INTS4: variants seen among roughly 807,000 people sequenced by gnomAD.
The protein encoded by INTS4 is MSTP093.
In INTS4, 70 loss-of-function variants were observed where a neutral mutation model predicts 119.5. That is an observed-to-expected ratio of 0.59 (90% confidence interval 0.48 to 0.71). INTS4 has a LOEUF of 0.71. INTS4 is among the 30% of genes least tolerant of loss of function. INTS4 has a pLI of 0.00. For missense variants in INTS4, 867 were observed against 1,173.2 expected (o/e 0.74, Z 3.81); for synonymous variants, 316 against 419.6 (o/e 0.75, Z 3.02).
intron 15 of INTS4, chr11:77,917,887 C>A: frequency 1.8e-6 from 1 of 559,942 alleles, no homozygotes; most frequent in Non-Finnish European, 3.2e-6. Context: ...GCATTAGTCA[C>A]CCAGAATAAA....
chr11:77,896,391 C>G (rs111378364), intron 18 of INTS4, among the ~76,000 whole-genome samples: 58,312 of 152,028 alleles, frequency 0.38, 11,603 homozygotes, highest in African/African-American at 0.48. Flanking sequence ...GTGGCTCACG[C>G]CTGTAATTCC....
chr11:77,945,421 C>A (rs1300565607), intron 8 of INTS4, among the ~76,000 whole-genome samples: 4 of 152,160 alleles, frequency 2.6e-5, no homozygotes, highest in Non-Finnish European at 5.9e-5. Context: ...CCCTGGGGAC[C>A]AGTAGCAACT....
intron 16 of INTS4, among the ~76,000 whole-genome samples, chr11:77,905,370 T>C (rs1026479564): frequency 6.6e-6 from 1 of 151,922 alleles, no homozygotes; most frequent in Non-Finnish European, 1.5e-5. Flanking sequence ...GACAGGAGAA[T>C]TGCTTGAACC....
chr11:77,876,643 A>G (rs1185623670), downstream of INTS4, among the ~76,000 whole-genome samples: 1 of 152,142 alleles, frequency 6.6e-6, no homozygotes, highest in Non-Finnish European at 1.5e-5. Context: ...ATTCTTACAC[A>G]GCTTTTAAAA....
chr11:77,950,886 C>A (rs1400123589), intron 8 of INTS4, among the ~76,000 whole-genome samples: 18 of 118,722 alleles, frequency 1.5e-4, no homozygotes, highest in Non-Finnish European at 2.7e-4. Flanking sequence ...CCCCACCCCA[C>A]AACAGGCCCT....
intron 22 of INTS4, among the ~76,000 whole-genome samples, chr11:77,879,699 C>G (rs1216116287): frequency 6.6e-6 from 1 of 152,156 alleles, no homozygotes; most frequent in East Asian, 1.9e-4. Flanking sequence ...CATCTAGTGT[C>G]TCTATGTGGC....
downstream of INTS4, chr11:77,877,090 T>C (rs762418187): frequency 1.3e-5 from 9 of 701,420 alleles, no homozygotes; most frequent in Non-Finnish European, 2.6e-6. Context: ...AGTTAATCAT[T>C]CTTCCCCTAG....
chr11:77,940,455 T>C (rs1040885130), intron 9 of INTS4, among the ~76,000 whole-genome samples: 15 of 151,566 alleles, frequency 9.9e-5, no homozygotes, highest in Admixed American at 8.6e-4. Context: ...AAAAATGGCG[T>C]GGGGTTGGGG....
rs769847193 is a variant in INTS4 at position 77,928,438 on chromosome 11, C to A, written c.1275G>T (p.Glu425Asp). 2 of 1,612,360 alleles carry A rather than the reference C, an allele frequency of 1.2e-6. No individual in the cohort carries two copies. Among genetic ancestry groups the A allele is most frequent in the Non-Finnish European group, 1.7e-6 (2 of 1,178,940 alleles). ...FLVDMFNDEI[E>D]EVRLQSIHTM... Reference sequence around the variant, plus strand: ...TATGTATAGACTGCAGACGTACTTCCTCAATTTCATCGTTGAACATGTCAA... The same window carrying A: ...TATGTATAGACTGCAGACGTACTTCATCAATTTCATCGTTGAACATGTCAA... Residue 425 changes from glutamate to aspartate, a missense_variant, in exon 11 of 23, where the codon GAG becomes GAT. Glu to Asp is a conservative substitution (Grantham distance 45). This residue lies in a region of INTS4 where 208 missense variants were observed against 306.6 expected (regional missense o/e 0.68). Transcript: ENST00000534064.
At chr11:77,894,384 A>T (rs1952418861) in intron 18 of INTS4, 35 bp from the exon 19 acceptor site, 1 of 1,252,026 alleles carries the variant, frequency 8.0e-7, no homozygotes, top group East Asian at 2.4e-5. Flanking sequence ...TTTGCTTGTG[A>T]AATCTGCAAA....
intron 11 of INTS4, among the ~76,000 whole-genome samples, chr11:77,925,381 T>C (rs992165213): frequency 6.6e-6 from 1 of 152,194 alleles, no homozygotes; most frequent in African/African-American, 2.4e-5. Flanking sequence ...ATTGCAAGAA[T>C]TACCAAAATG....
chr11:77,899,001 T>C (rs1022464658), intron 18 of INTS4, among the ~76,000 whole-genome samples: 9 of 151,828 alleles, frequency 5.9e-5, no homozygotes, highest in South Asian at 2.1e-4. Context: ...GCCTGGGTGA[T>C]AGAGCAAGAC....
intron 15 of INTS4, among the ~76,000 whole-genome samples, chr11:77,908,713 A>T (rs1470517225): frequency 6.6e-6 from 1 of 152,204 alleles, no homozygotes; most frequent in Non-Finnish European, 1.5e-5. Context: ...AGAGGAGAAA[A>T]ATACATTGAG....
chr11:77,986,098 A>AT (rs1333651289), intron 2 of INTS4, among the ~76,000 whole-genome samples: 1 of 152,234 alleles, frequency 6.6e-6, no homozygotes, highest in Non-Finnish European at 1.5e-5. Flanking sequence ...CACTTGATTA[A>AT]TGCATGCAGC....
chr11:77,939,604 C>G (rs1365577784), intron 9 of INTS4, among the ~76,000 whole-genome samples: 1 of 152,160 alleles, frequency 6.6e-6, no homozygotes, highest in Admixed American at 6.5e-5. Context: ...GTCCACTTGA[C>G]AGTTATGGTT....
At chr11:77,965,843 G>T (rs1591119699) in intron 4 of INTS4, among the ~76,000 whole-genome samples, 1 of 152,200 alleles carries the variant, frequency 6.6e-6, no homozygotes, top group African/African-American at 2.4e-5. Context: ...CATATACCCG[G>T]AAGTGGGATG....
chr11:77,981,110 T>C (rs1007929186), intron 3 of INTS4, among the ~76,000 whole-genome samples: 2 of 150,874 alleles, frequency 1.3e-5, no homozygotes, highest in African/African-American at 2.4e-5. Context: ...GTCATTAACA[T>C]GTTTGGACTT....
At chr11:77,964,689 TGGAA>T (rs1419298383) in intron 4 of INTS4, among the ~76,000 whole-genome samples, 2 of 145,776 alleles carry the variant, frequency 1.4e-5, no homozygotes, top group Non-Finnish European at 3.0e-5. Flanking sequence ...AGGAGACAAA[TGGAA>T]GGAAGGAGGA....
intron 12 of INTS4, among the ~76,000 whole-genome samples, chr11:77,923,757 T>C (rs1423530481): frequency 2.1e-5 from 3 of 145,738 alleles, no homozygotes; most frequent in Non-Finnish European, 4.5e-5. Context: ...ATTTTTATTA[T>C]TGTTTATGGT....
Sources: gnomAD v4.1 joint callset for allele counts (sites outside exome capture counted in the v4.1 genomes callset) on GRCh38, gnomAD v4.1.1 for gene constraint, gnomAD v4.1.1 regional missense constraint, MANE v1.5 for transcripts, NCBI Gene and HGNC (gene_info 2026-07-23, HGNC 2026-07-21) for gene names.